Variants in PHIP observed in about 807,000 individuals in gnomAD.
The protein encoded by PHIP is PHIP subunit of CUL4-Ring ligase complex.
PHIP carries 54 observed loss-of-function variants against 236.8 expected under a neutral mutation model. That is an observed-to-expected ratio of 0.23 (90% CI 0.18 to 0.29). PHIP has a LOEUF of 0.29. PHIP is among the 10% of genes least tolerant of loss of function. The pLI is 1.00. For missense variants in PHIP, 1,370 were observed against 2,190.8 expected (o/e 0.63, Z 7.48); for synonymous variants, 756 against 718.9 (o/e 1.05, Z -0.83).
intron 35 of PHIP, among the ~76,000 whole-genome samples, chr6:78,952,195 C>T (rs1214304367): frequency 6.6e-6 from 1 of 151,934 alleles, no homozygotes; most frequent in Non-Finnish European, 1.5e-5. Context: ...CTGAGGCAGG[C>T]AGATCACAAG....
chr6:78,964,526 T>C (rs1044003749), intron 29 of PHIP, among the ~76,000 whole-genome samples: 3 of 152,216 alleles, frequency 2.0e-5, no homozygotes, highest in Admixed American at 6.5e-5. Flanking sequence ...GGAGTCTCGC[T>C]CTGTTGCCCA....
chr6:79,015,067 G>C lies in PHIP; in HGVS notation c.1524+15C>G. On this transcript the variant is annotated intron_variant, in intron 15 of 39. Coordinates refer to ENST00000275034, the MANE Select transcript of PHIP (RefSeq NM_017934.7). Reference sequence around the variant, plus strand: ...AAATCTTTAGTAGGTATAAAATGAAGAGAATGATAATTACCATATTGAAAT... The same window carrying C: ...AAATCTTTAGTAGGTATAAAATGAACAGAATGATAATTACCATATTGAAAT... 1 of 1,602,990 alleles carries C rather than the reference G, an allele frequency of 6.2e-7. No individual in the cohort carries two copies. The highest frequency in any genetic ancestry group is 8.5e-7 in the Non-Finnish European group (1 of 1,171,186).
chr6:79,078,238 A>C lies in PHIP; in HGVS notation c.-170T>G, dbSNP rs751532386. The C allele has an allele frequency of 8.3e-6, 5 of 605,936 alleles. No homozygotes were observed. Among genetic ancestry groups the C allele is most frequent in the East Asian group, 3.1e-5 (1 of 31,910 alleles). 37.5% of individuals were successfully genotyped at this position (605,936 alleles called of 1,614,324 possible). ...GGAGGAGGAGGAGGAGGAAACAACA[A>C]CTCTCAGGCAGCGACTACGGCCGTG... On this transcript the variant is annotated 5_prime_UTR_variant, in exon 1 of 40. Transcript: ENST00000275034.
At chr6:78,991,840 T>A (rs1769267052) in intron 19 of PHIP, among the ~76,000 whole-genome samples, 1 of 150,670 alleles carries the variant, frequency 6.6e-6, no homozygotes, top group African/African-American at 2.5e-5. Flanking sequence ...TGGATTTAAT[T>A]TTTTTGTTCT....
rs771181865 is a variant in PHIP at position 78,947,779 on chromosome 6, G to A, written c.4054-4C>T. The A allele has an allele frequency of 6.3e-7, 1 of 1,599,362 alleles. No homozygotes were observed. Among genetic ancestry groups the A allele is most frequent in the South Asian group, 1.1e-5 (1 of 89,644 alleles). On this transcript the variant is annotated splice_polypyrimidine_tract_variant and splice_region_variant and intron_variant, in intron 35 of 39. Coordinates refer to ENST00000275034, the MANE Select transcript of PHIP (RefSeq NM_017934.7). ...TGTCAATGATGTCTCTGTAGTCCTA[G>A]GAGAGGGAAAACAGGTGGTGTTATG...
rs1421340385 is a variant in PHIP at position 78,938,758 on chromosome 6, C to T, written c.*1935G>A. ...TTATTTTTCAACTGCAAAATCTCAG[C>T]AATGCAGTCAAGATCTGGAAAATGG... On this transcript the variant is annotated 3_prime_UTR_variant, in exon 40 of 40. Transcript: ENST00000275034. The T allele has an allele frequency of 2.0e-5, 3 of 151,534 alleles. No homozygotes were observed. The highest frequency in any genetic ancestry group is 7.3e-5 in the African/African-American group (3 of 41,374). The allele number at this position is 151,534 out of a possible 1,614,324, so 9.4% of individuals were successfully genotyped here. A position where few individuals can be genotyped will look rare whatever the true frequency, so the allele number is the denominator to read the frequency against.
intron 15 of PHIP, among the ~76,000 whole-genome samples, chr6:79,010,505 C>CG (rs1554204811): frequency 5.9e-5 from 9 of 151,330 alleles, no homozygotes; most frequent in Non-Finnish European, 1.0e-4. Context: ...CATGAAACAA[C>CG]AAAGTAAAGC....
chr6:78,991,849 C>G (rs1045171499), intron 19 of PHIP, among the ~76,000 whole-genome samples: 6 of 146,034 alleles, frequency 4.1e-5, no homozygotes, highest in African/African-American at 1.6e-4. Flanking sequence ...TTTTTTTGTT[C>G]TTAATTTTTT....
intron 9 of PHIP, among the ~76,000 whole-genome samples, chr6:79,019,793 T>C (rs1168746035): frequency 6.6e-6 from 1 of 152,122 alleles, no homozygotes; most frequent in East Asian, 1.9e-4. Flanking sequence ...TTTACATTAA[T>C]TGCCTAACTG....
intron 7 of PHIP, among the ~76,000 whole-genome samples, chr6:79,033,230 G>A (rs2105143): frequency 0.33 from 50,399 of 151,966 alleles, 9,874 homozygotes; most frequent in East Asian, 0.69. Flanking sequence ...ATGGTAAATG[G>A]ACACTGGTTT....
chr6:78,998,111 T>G lies in PHIP; in HGVS notation c.2017+143A>C. ...AACCATTTTCTTAGGTCATTAAATA[T>G]TCTTCAAAACCATGATCATTTTGGC... On this transcript the variant is annotated intron_variant, in intron 18 of 39. Transcript: ENST00000275034. The G allele has an allele frequency of 1.4e-5, 9 of 627,802 alleles. No homozygotes were observed. The South Asian group carries it at 1.9e-4, about 13-fold the overall frequency. The allele number at this position is 627,802 out of a possible 1,614,324, so 38.9% of individuals were successfully genotyped here. A position where few individuals can be genotyped will look rare whatever the true frequency, so the allele number is the denominator to read the frequency against.
At chr6:78,950,870 T>C (rs2127686689) in intron 35 of PHIP, among the ~76,000 whole-genome samples, 1 of 152,286 alleles carries the variant, frequency 6.6e-6, no homozygotes, top group East Asian at 1.9e-4. Flanking sequence ...TATTTCCTTT[T>C]GTTGGCTTAC....
intron 29 of PHIP, among the ~76,000 whole-genome samples, chr6:78,964,606 C>T (rs1039627032): frequency 1.3e-5 from 2 of 152,162 alleles, no homozygotes; most frequent in African/African-American, 4.8e-5. Flanking sequence ...AATTTTCCTG[C>T]CTCAACCTTC....
chr6:79,015,605 A>G (rs770738325), intron 14 of PHIP, 25 bp downstream of exon 14: 8 of 1,535,564 alleles, frequency 5.2e-6, no homozygotes, highest in Admixed American at 1.8e-5. Context: ...AGTTATATCA[A>G]ATAAAGATTA....
intron 9 of PHIP, 138 bp downstream of exon 9, chr6:79,025,381 A>G (rs1264191902): frequency 6.9e-6 from 4 of 576,232 alleles, no homozygotes; most frequent in African/African-American, 1.9e-5. Context: ...ACAGGTTAGT[A>G]AAGAGCCAAA....
At position 78,955,292 on chromosome 6, in the gene PHIP, AAGAATTTACC is replaced by A; in HGVS notation, c.3853-20_3853-11del. On this transcript the variant is annotated splice_polypyrimidine_tract_variant and intron_variant, in intron 33 of 39. Transcript: ENST00000275034. ...CATCTTTCTCTTCATCCTTTGAGGC[AAGAATTTACC>A]AGATTCATAAAACATTTTAGATGTC... is the stretch of plus-strand genomic sequence containing the variant. 3 of 1,595,758 alleles carry A rather than the reference AAGAATTTACC, an allele frequency of 1.9e-6. No individual in the cohort carries two copies. The highest frequency in any genetic ancestry group is 2.6e-6 in the Non-Finnish European group (3 of 1,165,606).
chr6:78,989,980 A>G (rs910714827), intron 20 of PHIP, among the ~76,000 whole-genome samples: 1 of 152,180 alleles, frequency 6.6e-6, no homozygotes. Context: ...TACACTCAGT[A>G]AAGAAAAAAG....
At chr6:78,957,442 G>A (rs1766496676) in intron 32 of PHIP, 1 of 151,594 alleles carries the variant, frequency 6.6e-6, no homozygotes, top group Non-Finnish European at 1.5e-5. Flanking sequence ...GTAGAGAAAG[G>A]GCACAAACTT....
At chr6:78,998,427 A>C in intron 17 of PHIP, 36 bp from the exon 18 acceptor site, 1 of 1,586,032 alleles carries the variant, frequency 6.3e-7, no homozygotes, top group African/African-American at 1.3e-5. Flanking sequence ...CGAATATTTT[A>C]GCTACTATTC....
Sources: allele counts gnomAD v4.1 joint callset (sites outside exome capture counted in the v4.1 genomes callset), GRCh38; gene constraint gnomAD v4.1.1; transcripts MANE v1.5; gene names NCBI Gene and HGNC (gene_info 2026-07-23, HGNC 2026-07-21).